AVEN: variants seen among roughly 807,000 people sequenced by gnomAD.
AVEN encodes cell death regulator Aven.
AVEN carries 41 observed loss-of-function variants against 38.1 expected under a neutral mutation model. The ratio of observed to expected loss-of-function variants is 1.08; its 90% CI spans 0.84 to 1.40. The LOEUF (loss-of-function observed/expected upper bound fraction) is 1.40, where lower values mean the gene tolerates loss of function less well. AVEN is among the 40% of genes most tolerant of loss of function. The probability of loss-of-function intolerance (pLI) is 0.00; values close to 1 mark genes in which losing one functional copy is unlikely to be tolerated. For synonymous variants in AVEN, 206 were observed against 171.8 expected (o/e 1.20, Z -1.56); for missense variants, 605 against 438.8 (o/e 1.38, Z -3.38).
chr15:34,017,809 A>C (rs1357533466), intron 1 of AVEN, among the ~76,000 whole-genome samples: 1 of 152,098 alleles, frequency 6.6e-6, no homozygotes, highest in Non-Finnish European at 1.5e-5. Context: ...AATTATTAAA[A>C]ACTCCATTGT....
chr15:33,857,245 T>C (rs11634201), downstream of AVEN, among the ~76,000 whole-genome samples: 149,236 of 151,988 alleles, frequency 0.98, 73,328 homozygotes, highest in Middle Eastern at 1. Flanking sequence ...ATCATGGTGC[T>C]GGCAGCACCA....
At chr15:34,040,040 T>G (rs1899400088), upstream of AVEN, among the ~76,000 whole-genome samples, 1 of 152,230 alleles carries the variant, frequency 6.6e-6, no homozygotes, top group Non-Finnish European at 1.5e-5. Flanking sequence ...CCTAGCAGAA[T>G]AAGTGTTTTC....
chr15:33,960,420 CGTGTGTGTGTGT>C (rs530669371), intron 2 of AVEN, among the ~76,000 whole-genome samples: 2 of 143,180 alleles, frequency 1.4e-5, no homozygotes, highest in Non-Finnish European at 3.0e-5. Context: ...GTCTGTGTCT[CGTGTGTGTGTGT>C]GTTGTGTGTG....
intron 2 of AVEN, among the ~76,000 whole-genome samples, chr15:33,944,707 G>A (rs1894444385): frequency 6.6e-6 from 1 of 151,998 alleles, no homozygotes; most frequent in South Asian, 2.1e-4. Flanking sequence ...TACTCGGGAG[G>A]CTGAGGCAGG....
At chr15:33,926,953 C>T (rs575438864) in intron 2 of AVEN, among the ~76,000 whole-genome samples, 70 of 152,050 alleles carry the variant, frequency 4.6e-4, no homozygotes, top group Non-Finnish European at 6.6e-4. Context: ...CTACACCCAG[C>T]TAGAAATAAA....
intron 1 of AVEN, among the ~76,000 whole-genome samples, chr15:34,033,907 C>G (rs2140773261): frequency 6.6e-6 from 1 of 152,256 alleles, no homozygotes; most frequent in South Asian, 2.1e-4. Flanking sequence ...CCCGCCTCAG[C>G]CTCCCAAGTA....
intron 2 of AVEN, among the ~76,000 whole-genome samples, chr15:33,983,156 G>GTA (rs1340063138): frequency 1.1e-3 from 111 of 102,448 alleles, no homozygotes; most frequent in African/African-American, 5.0e-3. Context: ...GTGTGTGTGT[G>GTA]TGTATGTGTG....
At chr15:34,034,609 C>A (rs77585204) in intron 1 of AVEN, among the ~76,000 whole-genome samples, 15,722 of 151,882 alleles carry the variant, frequency 0.1, 1,032 homozygotes, top group East Asian at 0.33. Context: ...ACATGGTTTC[C>A]CAAAATTTTT....
intron 2 of AVEN, among the ~76,000 whole-genome samples, chr15:33,913,262 A>G (rs912128938): frequency 6.6e-6 from 1 of 152,214 alleles, no homozygotes; most frequent in Non-Finnish European, 1.5e-5. Flanking sequence ...CCCCGTGACC[A>G]TGCCTACGTT....
intron 1 of AVEN, among the ~76,000 whole-genome samples, chr15:34,020,266 A>T (rs1008386446): frequency 5.3e-5 from 8 of 151,938 alleles, no homozygotes; most frequent in Non-Finnish European, 8.8e-5. Context: ...AGCTGAGATC[A>T]CACCACTGCA....
At chr15:33,913,108 C>T (rs565986041) in intron 2 of AVEN, among the ~76,000 whole-genome samples, 2 of 152,156 alleles carry the variant, frequency 1.3e-5, no homozygotes, top group African/African-American at 4.8e-5. Flanking sequence ...AGGCTGGTCT[C>T]GAACTCCCAA....
chr15:33,888,283 C>T (rs752685602), intron 2 of AVEN, among the ~76,000 whole-genome samples: 1 of 151,996 alleles, frequency 6.6e-6, no homozygotes, highest in Non-Finnish European at 1.5e-5. Flanking sequence ...CAATGACAGA[C>T]ACAAAGTCTT....
intron 1 of AVEN, among the ~76,000 whole-genome samples, chr15:34,021,724 A>G (rs1898207660): frequency 6.6e-6 from 1 of 151,966 alleles, no homozygotes; most frequent in Non-Finnish European, 1.5e-5. Flanking sequence ...ACATGGTGGC[A>G]GGTGCCTGTA....
chr15:34,017,484 G>GTT (rs60119659), intron 1 of AVEN, among the ~76,000 whole-genome samples: 1,232 of 106,630 alleles, frequency 0.012, 15 homozygotes, highest in African/African-American at 0.013. Context: ...TTTTTTTTTT[G>GTT]TTTTTTTTTT....
chr15:33,924,135 G>A (rs1893520500), intron 2 of AVEN, among the ~76,000 whole-genome samples: 1 of 151,868 alleles, frequency 6.6e-6, no homozygotes, highest in South Asian at 2.1e-4. Flanking sequence ...TGCCAAAAAG[G>A]TTGGGGACCA....
intron 5 of AVEN, among the ~76,000 whole-genome samples, chr15:34,045,742 A>AC (rs34024840): frequency 0.98 from 148,811 of 152,250 alleles, 72,817 homozygotes; most frequent in East Asian, 1. Context: ...GCCTAACCTC[A>AC]CTTAGGAAAA....
Position 33,990,272 on chromosome 15 carries a change from C to T in AVEN, c.445+12760G>A, listed in dbSNP as rs149201137. On this transcript the variant is annotated intron_variant, in intron 2 of 5. Transcript: ENST00000306730. ...AGGTGCGTGCCTATAGTCCCAGCTACTCAGGAGGCTAAGGCAGGAGAATCG... is the reference window on the plus strand; with the variant it reads ...AGGTGCGTGCCTATAGTCCCAGCTATTCAGGAGGCTAAGGCAGGAGAATCG... Among the ~76,000 whole-genome samples the T allele has an allele frequency of 1.2e-4, 18 of 152,090 alleles. No individual in the cohort carries two copies. The East Asian group carries it at 3.5e-3, about 29-fold the overall frequency.
chr15:34,013,208 C>T (rs528444923), intron 1 of AVEN, among the ~76,000 whole-genome samples: 27 of 152,132 alleles, frequency 1.8e-4, no homozygotes, highest in South Asian at 2.1e-4. Flanking sequence ...ATTACAGGCG[C>T]GCGCCACCAC....
At chr15:33,884,266 T>A (rs1205020561) in intron 2 of AVEN, among the ~76,000 whole-genome samples, 1 of 152,184 alleles carries the variant, frequency 6.6e-6, no homozygotes, top group Admixed American at 6.5e-5. Flanking sequence ...CAGGAAATAT[T>A]TTATGATAGT....
Sources: gnomAD v4.1 joint callset for allele counts (sites outside exome capture counted in the v4.1 genomes callset) on GRCh38, gnomAD v4.1.1 for gene constraint, MANE v1.5 for transcripts, NCBI Gene and HGNC (gene_info 2026-07-23, HGNC 2026-07-21) for gene names.